IL1RAPL1: variants seen among roughly 807,000 people sequenced by gnomAD.
The protein encoded by IL1RAPL1 is interleukin-1 receptor accessory protein-like 1.
IL1RAPL1 carries 3 observed loss-of-function variants against 48.4 expected under a neutral mutation model. That is an observed-to-expected ratio of 0.06 (90% CI 0.03 to 0.16). IL1RAPL1 has a LOEUF of 0.16. Ranked by LOEUF, IL1RAPL1 falls within the 10% of genes least tolerant of loss-of-function variation. The pLI, the probability that IL1RAPL1 is intolerant of heterozygous loss-of-function variation, is 1.00. For missense variants in IL1RAPL1, 349 were observed against 530.6 expected (o/e 0.66, Z 3.36); for synonymous variants, 185 against 187.7 (o/e 0.99, Z 0.12).
At chrX:29,786,361 G>T (rs1292890048) in intron 6 of IL1RAPL1, among the ~76,000 whole-genome samples, 1 of 111,221 alleles carries the variant, frequency 9.0e-6, no homozygotes, top group African/African-American at 3.3e-5. Context: ...CCCTGGGGAA[G>T]GGTGTACCAG....
intron 5 of IL1RAPL1, among the ~76,000 whole-genome samples, chrX:29,630,152 C>A (rs1171051994): frequency 9.0e-6 from 1 of 111,193 alleles, no homozygotes; most frequent in Non-Finnish European, 1.9e-5. Context: ...TCATAGACAG[C>A]CCTCCCTCAC....
chrX:29,225,736 C>G (rs1931064544), intron 2 of IL1RAPL1, among the ~76,000 whole-genome samples: 1 of 111,239 alleles, frequency 9.0e-6, no homozygotes, highest in African/African-American at 3.3e-5. Context: ...AAGTTAGGCT[C>G]CTACACTCCT....
chrX:28,686,592 G>C (rs956244287), intron 1 of IL1RAPL1, among the ~76,000 whole-genome samples: 3 of 112,217 alleles, frequency 2.7e-5, no homozygotes, highest in Admixed American at 9.4e-5. Context: ...AATGCTGTTT[G>C]CTATAGCAGA....
chrX:29,155,007 C>CTTTTTTTTT (rs1276795423), intron 2 of IL1RAPL1, among the ~76,000 whole-genome samples: 1 of 101,365 alleles, frequency 9.9e-6, no homozygotes, highest in African/African-American at 3.5e-5. Context: ...TTCTTTCTGT[C>CTTTTTTTTT]TTTTTTTTTT....
chrX:29,537,871 G>A (rs965027927), intron 5 of IL1RAPL1, among the ~76,000 whole-genome samples: 1 of 111,367 alleles, frequency 9.0e-6, no homozygotes, highest in African/African-American at 3.3e-5. Flanking sequence ...TATCATAATT[G>A]TAGCAAAACC....
At chrX:28,693,507 T>G (rs1166626259) in intron 1 of IL1RAPL1, among the ~76,000 whole-genome samples, 1 of 112,495 alleles carries the variant, frequency 8.9e-6, no homozygotes, top group East Asian at 2.8e-4. Context: ...TAGAAATTGT[T>G]GTGATTGTCT....
chrX:29,440,044 C>T (rs1289836583), intron 5 of IL1RAPL1, among the ~76,000 whole-genome samples: 3 of 104,973 alleles, frequency 2.9e-5, no homozygotes, highest in South Asian at 4.1e-4. Flanking sequence ...AAAACATCTG[C>T]ATTTGTCATC....
intron 6 of IL1RAPL1, among the ~76,000 whole-genome samples, chrX:29,830,760 C>A (rs1463807121): frequency 9.0e-6 from 1 of 111,346 alleles, no homozygotes; most frequent in Non-Finnish European, 1.9e-5. Flanking sequence ...GCCTCTCAGA[C>A]TCTTTAAAAA....
chrX:29,499,662 T>C (rs1017986108), intron 5 of IL1RAPL1, among the ~76,000 whole-genome samples: 1 of 111,731 alleles, frequency 9.0e-6, no homozygotes, highest in Non-Finnish European at 1.9e-5. Context: ...CCGGTACAAC[T>C]GTTCCCCCAA....
At chrX:29,157,098 A>G (rs1268661973) in intron 2 of IL1RAPL1, among the ~76,000 whole-genome samples, 1 of 111,413 alleles carries the variant, frequency 9.0e-6, no homozygotes. Context: ...CCCTTTGTAT[A>G]TGTTGAAATA....
intron 2 of IL1RAPL1, among the ~76,000 whole-genome samples, chrX:29,068,297 C>G (rs1193163899): frequency 2.7e-5 from 3 of 112,118 alleles, no homozygotes; most frequent in African/African-American, 9.7e-5. Flanking sequence ...CATTGAGTAG[C>G]TTTTAACCAA....
At chrX:28,974,418 T>C (rs1298787372) in intron 2 of IL1RAPL1, among the ~76,000 whole-genome samples, 2 of 112,030 alleles carry the variant, frequency 1.8e-5, no homozygotes, top group African/African-American at 3.2e-5. Flanking sequence ...ACTGAAGTTA[T>C]TGTCATGACT....
At chrX:29,483,796 A>T (rs1337406682) in intron 5 of IL1RAPL1, among the ~76,000 whole-genome samples, 3 of 109,391 alleles carry the variant, frequency 2.7e-5, no homozygotes, top group African/African-American at 1.0e-4. Context: ...GGCTCAAGCC[A>T]TCCTTCCACC....
intron 2 of IL1RAPL1, among the ~76,000 whole-genome samples, chrX:28,929,390 G>C (rs1923824251): frequency 8.9e-6 from 1 of 111,735 alleles, no homozygotes; most frequent in African/African-American, 3.3e-5. Context: ...TTAGTACCAG[G>C]TTGTGGCTGT....
chrX:28,935,503 G>C (rs1923994454), intron 2 of IL1RAPL1, among the ~76,000 whole-genome samples: 1 of 111,591 alleles, frequency 9.0e-6, no homozygotes, highest in African/African-American at 3.3e-5. Context: ...CTTTACACCA[G>C]TACCACACTA....
chrX:28,844,310 A>T (rs1376915784), intron 2 of IL1RAPL1, among the ~76,000 whole-genome samples: 2 of 106,815 alleles, frequency 1.9e-5, no homozygotes, highest in African/African-American at 6.8e-5. Flanking sequence ...TTTGAATGCC[A>T]TGTGACCTTG....
At chrX:28,768,757 A>C (rs191488541) in intron 1 of IL1RAPL1, among the ~76,000 whole-genome samples, 9,302 of 55,064 alleles carry the variant, frequency 0.17, 668 homozygotes, top group Non-Finnish European at 0.2. Context: ...CTCTCTCTCT[A>C]TATATATATA....
At chrX:29,050,549 C>T (rs757282674) in intron 2 of IL1RAPL1, among the ~76,000 whole-genome samples, 10 of 112,281 alleles carry the variant, frequency 8.9e-5, no homozygotes, top group Non-Finnish European at 1.9e-4. Context: ...GATCACTCAA[C>T]TGTGAAGCAG....
chrX:29,301,540 A>G (rs1248765541), intron 3 of IL1RAPL1, among the ~76,000 whole-genome samples: 1 of 112,260 alleles, frequency 8.9e-6, no homozygotes, highest in African/African-American at 3.2e-5. Context: ...TATTTAGACA[A>G]TATTCATGGA....
Sources: gnomAD v4.1 joint callset for allele counts (sites outside exome capture counted in the v4.1 genomes callset) on GRCh38, gnomAD v4.1.1 for gene constraint, MANE v1.5 for transcripts, NCBI Gene and HGNC (gene_info 2026-07-23, HGNC 2026-07-21) for gene names.